The following CUX1 variants were observed in gnomAD, a reference collection of about 807,000 sequenced individuals.
The protein encoded by CUX1 is cut like homeobox 1, also known as protein CASP.
CUX1 carries 31 observed loss-of-function variants against 158.8 expected under a neutral mutation model. That is an observed-to-expected ratio of 0.20 (90% CI 0.15 to 0.26). The LOEUF is 0.26. CUX1 is among the 10% of genes least tolerant of loss of function. CUX1 has a pLI of 1.00. For missense variants in CUX1, 1,589 were observed against 2,014.6 expected (o/e 0.79, Z 4.04); for synonymous variants, 879 against 862.1 (o/e 1.02, Z -0.34).
chr7:101,921,647 A>G (rs1240432725), intron 2 of CUX1, among the ~76,000 whole-genome samples: 1 of 152,008 alleles, frequency 6.6e-6, no homozygotes, highest in East Asian at 1.9e-4. Context: ...TTTTTAGTAG[A>G]GACGGAGTTC....
At chr7:102,247,346 C>T (rs1800914496) in intron 23 of CUX1, among the ~76,000 whole-genome samples, 3 of 152,360 alleles carry the variant, frequency 2.0e-5, no homozygotes, top group Admixed American at 6.5e-5. Flanking sequence ...ATAATTGGTC[C>T]TCTCTCCTGA....
chr7:101,981,415 G>T (rs976785736), intron 2 of CUX1, among the ~76,000 whole-genome samples: 1 of 152,194 alleles, frequency 6.6e-6, no homozygotes, highest in African/African-American at 2.4e-5. Flanking sequence ...ATAAATCTCA[G>T]TTCAGGGCAC....
chr7:102,131,377 G>T (rs1256742991), intron 8 of CUX1, among the ~76,000 whole-genome samples: 1 of 152,030 alleles, frequency 6.6e-6, no homozygotes, highest in Non-Finnish European at 1.5e-5. Context: ...CAATTGGCCA[G>T]GTGCAGTGGC....
intron 11 of CUX1, among the ~76,000 whole-genome samples, chr7:102,187,264 G>T (rs2131869536): frequency 6.6e-6 from 1 of 152,094 alleles, no homozygotes; most frequent in East Asian, 1.9e-4. Flanking sequence ...AGAGGCCAAA[G>T]CAGGAGGATC....
At chr7:102,174,995 C>G (rs1344107951) in intron 10 of CUX1, among the ~76,000 whole-genome samples, 4 of 152,186 alleles carry the variant, frequency 2.6e-5, no homozygotes, top group Admixed American at 6.5e-5. Context: ...ATGGTCATGT[C>G]TGTGTCATTT....
At chr7:101,982,307 G>A (rs1443246767) in intron 2 of CUX1, among the ~76,000 whole-genome samples, 1 of 152,270 alleles carries the variant, frequency 6.6e-6, no homozygotes, top group East Asian at 1.9e-4. Context: ...TGGTAGGGAA[G>A]GCCAGGAGCT....
intron 3 of CUX1, among the ~76,000 whole-genome samples, chr7:102,056,789 T>C (rs1248438169): frequency 6.6e-6 from 1 of 152,206 alleles, no homozygotes; most frequent in East Asian, 1.9e-4. Flanking sequence ...CAGGCCAGTC[T>C]TGAACTCCTG....
intron 1 of CUX1, among the ~76,000 whole-genome samples, chr7:101,859,076 G>A (rs917387452): frequency 6.6e-6 from 1 of 152,162 alleles, no homozygotes; most frequent in African/African-American, 2.4e-5. Context: ...GGCAACCAGA[G>A]GGCCTTTGGA....
At chr7:102,141,267 C>G (rs371349783) in intron 8 of CUX1, among the ~76,000 whole-genome samples, 1 of 152,280 alleles carries the variant, frequency 6.6e-6, no homozygotes, top group African/African-American at 2.4e-5. Context: ...GTTCTCGTGC[C>G]TCCACTGCCT....
At chr7:102,182,887 A>AC (rs1793243569) in intron 11 of CUX1, among the ~76,000 whole-genome samples, 1 of 152,206 alleles carries the variant, frequency 6.6e-6, no homozygotes, top group Non-Finnish European at 1.5e-5. Context: ...CTAAAAGAAC[A>AC]CCAGTCTCCC....
rs1043227725 is a variant in CUX1, at chr7:101,910,688, A to G, written c.31-5427A>G. On this transcript the variant is annotated intron_variant, in intron 1 of 23. Coordinates refer to ENST00000292535, the MANE Select transcript of CUX1 (RefSeq NM_181552.4). ...TGAACCCTGGAGGTGAAGGTTAACC[A>G]GTGAGCCGAGATCACACCAGCGCAC... 3.3e-5 allele frequency among the ~76,000 whole-genome samples: 5 copies of G among 150,920 alleles called. No individual in the cohort carries two copies. The South Asian group carries it at 1.1e-3, about 32-fold the overall frequency.
Position 102,252,980 on chromosome 7 carries a change from A to G in CUX1, c.*3938A>G. On this transcript the variant is annotated 3_prime_UTR_variant, in exon 24 of 24. Coordinates refer to ENST00000292535, the MANE Select transcript of CUX1 (RefSeq NM_181552.4). ...GGAGAACTCTCTGAGAAATGCCAGG[A>G]TCGTGGCTCACAGGGACCCACCATC... 1 of 985,448 alleles carries G rather than the reference A, an allele frequency of 1.0e-6. No homozygotes were observed. The highest frequency in any genetic ancestry group is 6.1e-5 in the Admixed American group (1 of 16,290). 61.0% of individuals were successfully genotyped at this position (985,448 alleles called of 1,614,324 possible). A position where few individuals can be genotyped will look rare whatever the true frequency, so the allele number is the denominator to read the frequency against.
intron 2 of CUX1, among the ~76,000 whole-genome samples, chr7:101,942,384 T>C (rs1318825832): frequency 6.6e-6 from 1 of 152,212 alleles, no homozygotes; most frequent in East Asian, 1.9e-4. Flanking sequence ...CTTTTCGATC[T>C]TACCTTGTAT....
At chr7:101,839,966 T>A (rs1469566874) in intron 1 of CUX1, among the ~76,000 whole-genome samples, 1 of 152,216 alleles carries the variant, frequency 6.6e-6, no homozygotes, top group East Asian at 1.9e-4. Context: ...TTCACCATGT[T>A]GGTCAGGCTG....
At chr7:102,041,341 G>C (rs111342720) in intron 3 of CUX1, among the ~76,000 whole-genome samples, 9 of 125,188 alleles carry the variant, frequency 7.2e-5, no homozygotes, top group African/African-American at 2.5e-4. Flanking sequence ...CATAATCTCT[G>C]CTTCCTGGGT....
At chr7:101,898,577 TTCTG>T (rs1273691746) in intron 1 of CUX1, among the ~76,000 whole-genome samples, 1 of 151,726 alleles carries the variant, frequency 6.6e-6, no homozygotes, top group East Asian at 1.9e-4. Context: ...TTCTTTCCAT[TTCTG>T]TGTCTTTTTT....
chr7:102,280,336 G>A (rs1252230143), intron 19 of CUX1, among the ~76,000 whole-genome samples: 4 of 152,116 alleles, frequency 2.6e-5, no homozygotes, highest in Non-Finnish European at 2.9e-5. Flanking sequence ...CCTCCCCACC[G>A]CTTCAGTGCA....
chr7:102,181,537 C>T (rs947087676), intron 11 of CUX1, among the ~76,000 whole-genome samples: 6 of 152,114 alleles, frequency 3.9e-5, no homozygotes, highest in African/African-American at 7.2e-5. Context: ...AAAAATGAAA[C>T]GCGGTTTTGC....
intron 19 of CUX1, 48 bp downstream of exon 19, chr7:102,204,604 G>T: frequency 6.3e-7 from 1 of 1,597,644 alleles, no homozygotes; most frequent in South Asian, 1.1e-5. Flanking sequence ...CCATAGCAAG[G>T]ACCTGGTCAC....
Sources: allele counts gnomAD v4.1 joint callset (sites outside exome capture counted in the v4.1 genomes callset), GRCh38; gene constraint gnomAD v4.1.1; transcripts MANE v1.5; gene names NCBI Gene and HGNC (gene_info 2026-07-23, HGNC 2026-07-21).